The following CHRNA2 variants were observed in gnomAD, a reference collection of about 807,000 sequenced individuals.
CHRNA2 encodes the protein neuronal acetylcholine receptor subunit alpha-2.
In CHRNA2, 40 loss-of-function variants were observed where a neutral mutation model predicts 45.5. The observed-to-expected ratio is 0.88, with a 90% CI of 0.68 to 1.15. CHRNA2 has a LOEUF of 1.15. CHRNA2 is among the 50% of genes most tolerant of loss of function. The pLI, the probability that CHRNA2 is intolerant of heterozygous loss-of-function variation, is 0.00. For synonymous variants in CHRNA2, 301 were observed against 296.7 expected, an observed-to-expected ratio of 1.01 and a Z score of -0.15; for missense variants, 655 against 701.7, an observed-to-expected ratio of 0.93 and a Z score of 0.75.
chr8:27,468,190 CA>C (rs1812758112), intron 4 of CHRNA2, among the ~76,000 whole-genome samples: 1 of 152,206 alleles, frequency 6.6e-6, no homozygotes, highest in African/African-American at 2.4e-5. Flanking sequence ...CCTCAAACTC[CA>C]GTACTCCTTC....
At position 27,463,140 on chromosome 8, in the gene CHRNA2, T is replaced by C. The variant is rs866577498; in HGVS notation, c.1303A>G (p.Thr435Ala). ...TGCAGGTGGCCGTGGCTGCAGAGGGTGCCCACAGAGGGGGCCACATGACCT... is the reference window on the plus strand; with the variant it reads ...TGCAGGTGGCCGTGGCTGCAGAGGGCGCCCACAGAGGGGGCCACATGACCT... ...CAGHVAPSVGTLCSHGHLHSG... is the reference protein window; with the variant it reads ...CAGHVAPSVGALCSHGHLHSG... Residue 435 changes from threonine (T) to alanine (A), a missense_variant, in exon 6 of 7, where the codon ACC becomes GCC. By Grantham distance (58) the Thr-to-Ala change is moderately conservative (BLOSUM62 0). This residue lies in a region of CHRNA2 where 295 missense variants were observed against 280.4 expected (regional missense o/e 1.05). Coordinates refer to ENST00000407991, the MANE Select transcript of CHRNA2 (RefSeq NM_000742.4). The surrounding 1 kb of genome is among the most constrained non-coding windows in gnomAD (Gnocchi z 6.1). 1 of 1,604,388 alleles carries C rather than the reference T, an allele frequency of 6.2e-7. No individual in the cohort carries two copies. The highest frequency in any genetic ancestry group is 1.7e-4 in the Middle Eastern group (1 of 6,034).
At chr8:27,477,713 C>T (rs1786850867) in intron 1 of CHRNA2, among the ~76,000 whole-genome samples, 1 of 152,112 alleles carries the variant, frequency 6.6e-6, no homozygotes, top group South Asian at 2.1e-4. Flanking sequence ...AAAAGAGCTG[C>T]ACACTTTGAC....
intron 4 of CHRNA2, among the ~76,000 whole-genome samples, chr8:27,468,656 C>T (rs1812774238): frequency 6.6e-6 from 1 of 152,178 alleles, no homozygotes; most frequent in South Asian, 2.1e-4. Flanking sequence ...CCTTCCAGAA[C>T]CTTCCAGCAC....
chr8:27,478,568 T>C lies in CHRNA2; in HGVS notation c.-137+256A>G, dbSNP rs73225400. On this transcript the variant is annotated intron_variant, in intron 1 of 6. Transcript: ENST00000407991. ...GCAGTAGTAAAGACATAGGAGCAGA[T>C]ACAGTGTAACAAAGCCACTATTCCT... 1.3e-3 allele frequency among the ~76,000 whole-genome samples: 203 copies of C among 152,340 alleles called. 2 individuals carry two copies. The highest frequency in any genetic ancestry group is 3.4e-3 in the Middle Eastern group (1 of 294).
At chr8:27,462,059 G>A (rs1031076157) in intron 6 of CHRNA2, among the ~76,000 whole-genome samples, 1 of 152,176 alleles carries the variant, frequency 6.6e-6, no homozygotes, top group Non-Finnish European at 1.5e-5. Context: ...GAGGCGGCAC[G>A]ACCACCCAGG....
chr8:27,462,866 T>C (rs1812540396), intron 6 of CHRNA2, 113 bp downstream of exon 6: 2 of 1,252,004 alleles, frequency 1.6e-6, no homozygotes, highest in East Asian at 4.7e-5. Context: ...CTGAGGAAAG[T>C]GGGCCTTCAC....
At chr8:27,462,049 G>T (rs1472738064) in intron 6 of CHRNA2, among the ~76,000 whole-genome samples, 1 of 152,244 alleles carries the variant, frequency 6.6e-6, no homozygotes, top group Non-Finnish European at 1.5e-5. Context: ...GGGACGCAAG[G>T]AGGCGGCACG....
intron 5 of CHRNA2, among the ~76,000 whole-genome samples, chr8:27,466,825 A>G (rs1812711012): frequency 6.6e-6 from 1 of 152,194 alleles, no homozygotes; most frequent in African/African-American, 2.4e-5. Flanking sequence ...GAAAAAGGAA[A>G]CTGCATACCA....
At chr8:27,468,587 C>T (rs1812771263) in intron 4 of CHRNA2, among the ~76,000 whole-genome samples, 2 of 152,214 alleles carry the variant, frequency 1.3e-5, no homozygotes, top group South Asian at 4.1e-4. Context: ...ATGTCTGACT[C>T]CCCTGCTGGA....
Position 27,460,454 on chromosome 8 carries a change from C to G in CHRNA2, c.*1175G>C, listed in dbSNP as rs1812437261. On this transcript the variant is annotated 3_prime_UTR_variant, in exon 7 of 7. Transcript: ENST00000407991. ...ACAACAGTCCTGGGGCCCAAACAATCCAGCTTGCTCCCCTCAACCACTCAG... is the reference window on the plus strand; with the variant it reads ...ACAACAGTCCTGGGGCCCAAACAATGCAGCTTGCTCCCCTCAACCACTCAG... 6.6e-6 allele frequency: 1 copy of G among 152,318 alleles called. No individual in the cohort carries two copies. Among genetic ancestry groups the G allele is most frequent in the South Asian group, 2.1e-4 (1 of 4,826 alleles). The allele number at this position is 152,318 out of a possible 1,614,324, so 9.4% of individuals were successfully genotyped here. A position where few individuals can be genotyped will look rare whatever the true frequency, so the allele number is the denominator to read the frequency against.
chr8:27,464,241 T>A (rs1274819978), intron 5 of CHRNA2, among the ~76,000 whole-genome samples: 7 of 152,134 alleles, frequency 4.6e-5, no homozygotes, highest in Non-Finnish European at 1.0e-4. Flanking sequence ...GTACCAAGAA[T>A]TCTAAAAACA....
intron 2 of CHRNA2, among the ~76,000 whole-genome samples, chr8:27,470,534 A>T (rs1222581824): frequency 6.6e-6 from 1 of 152,238 alleles, no homozygotes; most frequent in Non-Finnish European, 1.5e-5. Context: ...GGCATCGCTC[A>T]TGTCAGTTTT....
intron 5 of CHRNA2, among the ~76,000 whole-genome samples, chr8:27,465,355 G>A (rs4641018): frequency 0.056 from 8,565 of 152,252 alleles, 515 homozygotes; most frequent in African/African-American, 0.15. Context: ...CCCCCATGGA[G>A]TAGTTCCATG....
At chr8:27,472,487 T>TG (rs747446230) in intron 1 of CHRNA2, among the ~76,000 whole-genome samples, 10 of 152,152 alleles carry the variant, frequency 6.6e-5, no homozygotes, top group South Asian at 2.1e-4. Context: ...CCCACATCTT[T>TG]GGGGGGTCAC....
At chr8:27,466,029 T>C (rs1812688252) in intron 5 of CHRNA2, among the ~76,000 whole-genome samples, 1 of 152,184 alleles carries the variant, frequency 6.6e-6, no homozygotes, top group Admixed American at 6.5e-5. Flanking sequence ...CTGCCACATG[T>C]ACAGGAAGTG....
intron 3 of CHRNA2, 49 bp from the exon 4 acceptor site, chr8:27,469,428 C>T: frequency 6.5e-7 from 1 of 1,537,430 alleles, no homozygotes; most frequent in African/African-American, 1.4e-5. Context: ...GGCCCAGCCC[C>T]AGAAGACAGG....
chr8:27,461,331 C>G lies in CHRNA2; in HGVS notation c.*298G>C, dbSNP rs1229994595. ...GGTTGACCCTTCTGTCACTTAGGGT[C>G]TGCACTGCTCCTCCAGGAGAATCTT... On this transcript the variant is annotated 3_prime_UTR_variant, in exon 7 of 7. Transcript: ENST00000407991. 4 of 444,670 alleles carry G rather than the reference C, an allele frequency of 9.0e-6. No individual in the cohort carries two copies. Among genetic ancestry groups the G allele is most frequent in the Non-Finnish European group, 1.3e-5 (3 of 239,510 alleles). 27.5% of individuals were successfully genotyped at this position (444,670 alleles called of 1,614,324 possible). A position where few individuals can be genotyped will look rare whatever the true frequency, so the allele number is the denominator to read the frequency against.
intron 6 of CHRNA2, among the ~76,000 whole-genome samples, chr8:27,462,341 G>A (rs567518710): frequency 3.3e-5 from 5 of 152,306 alleles, no homozygotes; most frequent in East Asian, 3.9e-4. Context: ...ATAACCTCCC[G>A]GCCTTTCATC....
chr8:27,467,634 G>A lies in CHRNA2; in HGVS notation c.340-296C>T, dbSNP rs1164124712. 1.0e-5 allele frequency: 4 copies of A among 399,784 alleles called. No individual in the cohort carries two copies. The East Asian group carries it at 2.0e-4, about 20-fold the overall frequency. 24.8% of individuals were successfully genotyped at this position (399,784 alleles called of 1,614,324 possible). On this transcript the variant is annotated intron_variant, in intron 4 of 6. Coordinates refer to ENST00000407991, the MANE Select transcript of CHRNA2 (RefSeq NM_000742.4). ...AATCCCTGGCTGGACGACCTTGGTG[G>A]GCCACCTCACTCATCTCTAGTGAAA...
Sources: gnomAD v4.1 joint callset for allele counts (sites outside exome capture counted in the v4.1 genomes callset) on GRCh38, gnomAD v4.1.1 for gene constraint, gnomAD v4.1.1 regional missense constraint, Gnocchi (gnomAD v3.1) non-coding constraint, MANE v1.5 for transcripts, NCBI Gene and HGNC (gene_info 2026-07-23, HGNC 2026-07-21) for gene names.